The following PLXNA4 variants were observed in gnomAD, a reference collection of about 807,000 sequenced individuals.
The protein encoded by PLXNA4 is plexin-A4.
PLXNA4 carries 44 observed loss-of-function variants against 191.8 expected under a neutral mutation model. The observed-to-expected ratio is 0.23, with a 90% CI of 0.18 to 0.29. The LOEUF (loss-of-function observed/expected upper bound fraction) is 0.29, where lower values mean the gene tolerates loss of function less well. Ranked by LOEUF, PLXNA4 falls within the 10% of genes least tolerant of loss-of-function variation. PLXNA4 has a pLI of 1.00. For synonymous variants in PLXNA4, 1,082 were observed against 1,009.5 expected (o/e 1.07, Z -1.36); for missense variants, 1,800 against 2,488.8 (o/e 0.72, Z 5.89).
upstream of PLXNA4, among the ~76,000 whole-genome samples, chr7:132,581,386 A>G (rs1216730324): frequency 1.3e-5 from 2 of 152,190 alleles, no homozygotes; most frequent in Non-Finnish European, 2.9e-5. Context: ...AGATATTAAC[A>G]TCCGAATTTC....
chr7:132,470,392 G>A (rs766811187), intron 3 of PLXNA4, among the ~76,000 whole-genome samples: 2 of 152,080 alleles, frequency 1.3e-5, no homozygotes, highest in Admixed American at 1.3e-4. Context: ...TTTGGATGTG[G>A]GCCTCTCAGT....
chr7:132,392,627 G>A (rs769816654), intron 3 of PLXNA4, among the ~76,000 whole-genome samples: 8 of 152,232 alleles, frequency 5.3e-5, no homozygotes, highest in Non-Finnish European at 1.2e-4. Context: ...CTACAGTGAG[G>A]TGTGGCGCAG....
At chr7:132,530,906 G>T (rs1252429356) in intron 1 of PLXNA4, among the ~76,000 whole-genome samples, 1 of 152,212 alleles carries the variant, frequency 6.6e-6, no homozygotes, top group Non-Finnish European at 1.5e-5. Flanking sequence ...GCCATATAAA[G>T]AATGAAGTTT....
At chr7:132,366,726 G>A (rs1270216714) in intron 3 of PLXNA4, among the ~76,000 whole-genome samples, 4 of 152,084 alleles carry the variant, frequency 2.6e-5, no homozygotes, top group Admixed American at 1.3e-4. Context: ...ATCTGCTGTT[G>A]GAATATGATG....
chr7:132,182,260 G>T, intron 16 of PLXNA4, 70 bp from the exon 17 acceptor site: 2 of 1,586,322 alleles, frequency 1.3e-6, no homozygotes, highest in South Asian at 2.3e-5. Context: ...CTACAATGAT[G>T]ACTGAGCTAT....
chr7:132,618,714 T>C (rs1238235520), intron 2 of PLXNA4, among the ~76,000 whole-genome samples: 2 of 152,218 alleles, frequency 1.3e-5, no homozygotes, highest in Non-Finnish European at 2.9e-5. Flanking sequence ...GAGGACAGAA[T>C]CATGACATTC....
chr7:132,140,186 G>A (rs1038868873), intron 30 of PLXNA4, among the ~76,000 whole-genome samples: 15 of 152,276 alleles, frequency 9.9e-5, no homozygotes, highest in African/African-American at 3.6e-4. Context: ...CAGCCAGACG[G>A]TAGCAGATGG....
At chr7:132,239,366 G>T (rs1798805366) in intron 5 of PLXNA4, among the ~76,000 whole-genome samples, 1 of 152,170 alleles carries the variant, frequency 6.6e-6, no homozygotes, top group African/African-American at 2.4e-5. Flanking sequence ...GCTCTGTGGG[G>T]CTGGGACAGC....
At position 132,181,630 on chromosome 7, in the gene PLXNA4, G is replaced by C; in HGVS notation, c.3253-10C>G. 6.2e-7 allele frequency: 1 copy of C among 1,613,574 alleles called. No individual in the cohort carries two copies. The highest frequency in any genetic ancestry group is 2.2e-5 in the East Asian group (1 of 44,864). On this transcript the variant is annotated splice_polypyrimidine_tract_variant and intron_variant, in intron 17 of 31. Transcript: ENST00000321063. ...TCAGAACCTCACAGATCTGTGGGAG[G>C]AGCCACAGAGTGGAGTCTATGCAGT...
chr7:132,219,577 G>A (rs542810276), intron 9 of PLXNA4, among the ~76,000 whole-genome samples: 2 of 152,188 alleles, frequency 1.3e-5, no homozygotes, highest in Non-Finnish European at 2.9e-5. Flanking sequence ...TTATCGTGCT[G>A]TGAGTAAGCT....
intron 1 of PLXNA4, among the ~76,000 whole-genome samples, chr7:132,561,350 C>G (rs1801038634): frequency 6.9e-6 from 1 of 145,288 alleles, no homozygotes; most frequent in Non-Finnish European, 1.5e-5. Flanking sequence ...TCCTCCTCCT[C>G]TTCCTCTCCC....
intron 3 of PLXNA4, among the ~76,000 whole-genome samples, chr7:132,395,717 T>G (rs1234029242): frequency 6.6e-6 from 1 of 152,214 alleles, no homozygotes; most frequent in Non-Finnish European, 1.5e-5. Flanking sequence ...TTACTTGATT[T>G]TCTTTGCCGC....
intron 20 of PLXNA4, among the ~76,000 whole-genome samples, chr7:132,176,376 T>G (rs943596432): frequency 6.6e-6 from 1 of 152,164 alleles, no homozygotes. Context: ...GTTTTTGGCA[T>G]GTACTGTCAC....
At chr7:132,595,434 T>C (rs1017660479) in intron 2 of PLXNA4, among the ~76,000 whole-genome samples, 8 of 152,186 alleles carry the variant, frequency 5.3e-5, no homozygotes, top group Non-Finnish European at 1.0e-4. Context: ...CATGCTAAAT[T>C]GGGAGATCCA....
chr7:132,259,950 G>A (rs1050183750), intron 4 of PLXNA4, among the ~76,000 whole-genome samples: 1 of 152,012 alleles, frequency 6.6e-6, no homozygotes, highest in Non-Finnish European at 1.5e-5. Context: ...AAAGACCTGT[G>A]GTTCAATGAG....
At chr7:132,621,781 C>T (rs1229311069) in intron 2 of PLXNA4, among the ~76,000 whole-genome samples, 1 of 152,226 alleles carries the variant, frequency 6.6e-6, no homozygotes, top group Non-Finnish European at 1.5e-5. Context: ...TTCCCTAAAC[C>T]TCTGCCATCA....
intron 2 of PLXNA4, among the ~76,000 whole-genome samples, chr7:132,640,992 T>G (rs762253820): frequency 1.8e-4 from 27 of 152,364 alleles, no homozygotes; most frequent in Admixed American, 2.6e-4. Context: ...AACTCAGACT[T>G]GAAAATGGCA....
chr7:132,201,024 C>A (rs1797416643), intron 12 of PLXNA4, among the ~76,000 whole-genome samples: 1 of 152,154 alleles, frequency 6.6e-6, no homozygotes, highest in Non-Finnish European at 1.5e-5. Flanking sequence ...AAGACAGGGT[C>A]TTTGGAGAGG....
rs1562908954 is a variant in PLXNA4 at position 132,189,007 on chromosome 7, A to AAAG, written c.2857-1401_2857-1400insCTT. 5.9e-3 allele frequency among the ~76,000 whole-genome samples: 465 copies of AAAG among 78,202 alleles called. 7 individuals carry two copies. The highest frequency in any genetic ancestry group is 6.9e-3 in the Non-Finnish European group (255 of 37,112). The allele number at this position is 78,202 out of a possible 152,430, so 51.3% of individuals were successfully genotyped here. On this transcript the variant is annotated intron_variant, in intron 14 of 31. Coordinates refer to ENST00000321063, the MANE Select transcript of PLXNA4 (RefSeq NM_020911.2). Reference sequence around the variant, plus strand: ...AGGAAAGGAAAGGAGAGAGAGAGAGAGAGAGAGAGAGAGAGAGAGAGAAAG... The same window carrying AAAG: ...AGGAAAGGAAAGGAGAGAGAGAGAGAAAGGAGAGAGAGAGAGAGAGAGAGAAAG...
Sources: gnomAD v4.1 joint callset for allele counts (sites outside exome capture counted in the v4.1 genomes callset) on GRCh38, gnomAD v4.1.1 for gene constraint, MANE v1.5 for transcripts, NCBI Gene and HGNC (gene_info 2026-07-23, HGNC 2026-07-21) for gene names.